The following PPP6C variants were observed in gnomAD, a reference collection of about 807,000 sequenced individuals.
PPP6C encodes serine/threonine-protein phosphatase 6 catalytic subunit.
Under a neutral mutation model 39.8 loss-of-function variants are expected in PPP6C, and 11 were observed. That is an observed-to-expected ratio of 0.28 (90% confidence interval 0.17 to 0.46). PPP6C has a LOEUF of 0.46. Ranked by LOEUF, PPP6C falls within the 20% of genes least tolerant of loss-of-function variation. PPP6C has a pLI of 1.00. For synonymous variants in PPP6C, 129 were observed against 130.3 expected (o/e 0.99, Z 0.07); for missense variants, 211 against 373.9 (o/e 0.56, Z 3.59).
At chr9:125,165,961 TA>T (rs993087682) in intron 2 of PPP6C, among the ~76,000 whole-genome samples, 1 of 151,838 alleles carries the variant, frequency 6.6e-6, no homozygotes, top group African/African-American at 2.4e-5. Context: ...CACACCTGGC[TA>T]ATTTTTGTAT....
intron 2 of PPP6C, among the ~76,000 whole-genome samples, chr9:125,167,124 T>C (rs1309213825): frequency 6.6e-6 from 1 of 151,958 alleles, no homozygotes; most frequent in African/African-American, 2.4e-5. Context: ...CTCACACCTG[T>C]AGTCCCAGCA....
chr9:125,155,720 G>A (rs911711000), intron 4 of PPP6C, among the ~76,000 whole-genome samples: 4 of 151,988 alleles, frequency 2.6e-5, no homozygotes, highest in East Asian at 1.9e-4. Flanking sequence ...TGGCTAACAC[G>A]GTGAAACCCT....
chr9:125,169,241 A>G (rs7020431), intron 2 of PPP6C, among the ~76,000 whole-genome samples: 2,136 of 152,332 alleles, frequency 0.014, 58 homozygotes, highest in African/African-American at 0.049. Context: ...TGTCTACAAA[A>G]TAATCCTATC....
intron 6 of PPP6C, among the ~76,000 whole-genome samples, chr9:125,153,050 A>G (rs1299455155): frequency 1.3e-5 from 2 of 151,926 alleles, no homozygotes; most frequent in Non-Finnish European, 2.9e-5. Context: ...AGGCGGGTGG[A>G]TCACCTGAGG....
chr9:125,161,892 ACAATAC>A (rs1205806868), intron 2 of PPP6C, among the ~76,000 whole-genome samples: 1 of 152,214 alleles, frequency 6.6e-6, no homozygotes, highest in Admixed American at 6.5e-5. Flanking sequence ...GGAATTGACT[ACAATAC>A]ATTGGACCAA....
chr9:125,189,269 G>A (rs1256291461), intron 1 of PPP6C, among the ~76,000 whole-genome samples: 2 of 152,220 alleles, frequency 1.3e-5, no homozygotes, highest in Non-Finnish European at 2.9e-5. Context: ...CGGTGGAGGC[G>A]ACCCCATCCC....
At chr9:125,170,545 A>C (rs1474305053) in intron 2 of PPP6C, among the ~76,000 whole-genome samples, 1 of 152,106 alleles carries the variant, frequency 6.6e-6, no homozygotes, top group East Asian at 1.9e-4. Flanking sequence ...CACTGCTTTG[A>C]AATTCTTACA....
Position 125,158,133 on chromosome 9 carries a change from G to C in PPP6C, c.379+108C>G, listed in dbSNP as rs928769794. ...TGTTTGGGAGGAGTGAAGGAGTGAG[G>C]ATGTGGGGAAAATAATATACATAAA... On this transcript the variant is annotated intron_variant, in intron 4 of 6. Coordinates refer to ENST00000373547, the MANE Select transcript of PPP6C (RefSeq NM_002721.5). 1.3e-5 allele frequency: 15 copies of C among 1,123,120 alleles called. No homozygotes were observed. The African/African-American group carries it at 2.3e-4, about 18-fold the overall frequency. 69.6% of individuals were successfully genotyped at this position (1,123,120 alleles called of 1,614,324 possible). A position where few individuals can be genotyped will look rare whatever the true frequency, so the allele number is the denominator to read the frequency against.
intron 1 of PPP6C, among the ~76,000 whole-genome samples, chr9:125,178,798 T>C (rs1420809404): frequency 6.6e-6 from 1 of 152,218 alleles, no homozygotes; most frequent in Non-Finnish European, 1.5e-5. Flanking sequence ...CAGCTTCTTC[T>C]AGACAGTTTC....
intron 2 of PPP6C, among the ~76,000 whole-genome samples, chr9:125,170,505 G>A (rs1328196293): frequency 2.0e-5 from 3 of 152,080 alleles, no homozygotes; most frequent in Non-Finnish European, 4.4e-5. Context: ...CCAAAGTGCT[G>A]GGACTACAGG....
intron 6 of PPP6C, chr9:125,151,140 T>C (rs1207320901): frequency 1.4e-6 from 2 of 1,402,300 alleles, no homozygotes; most frequent in African/African-American, 2.8e-5. Context: ...AGAACTGCAC[T>C]ATTGTTTCAT....
chr9:125,189,076 C>G, intron 1 of PPP6C: 1 of 667,898 alleles, frequency 1.5e-6, no homozygotes, highest in South Asian at 2.1e-5. Context: ...ACCGACGATC[C>G]TAAAAAGCAA....
At chr9:125,172,631 T>A (rs1564154661) in intron 1 of PPP6C, among the ~76,000 whole-genome samples, 1 of 152,076 alleles carries the variant, frequency 6.6e-6, no homozygotes, top group South Asian at 2.1e-4. Context: ...GAGGAATTCT[T>A]GTGATGATGG....
chr9:125,182,268 G>T (rs977768527), intron 1 of PPP6C, among the ~76,000 whole-genome samples: 1 of 152,054 alleles, frequency 6.6e-6, no homozygotes, highest in Non-Finnish European at 1.5e-5. Context: ...TTGTTTAGTT[G>T]ATCTTGTTAT....
intron 1 of PPP6C, among the ~76,000 whole-genome samples, chr9:125,189,265 A>C (rs940527970): frequency 5.9e-5 from 9 of 152,178 alleles, no homozygotes; most frequent in Non-Finnish European, 1.2e-4. Flanking sequence ...CCTCCGGTGG[A>C]GGCGACCCCA....
intron 6 of PPP6C, chr9:125,150,925 C>G (rs1835920784): frequency 1.9e-6 from 2 of 1,056,430 alleles, no homozygotes; most frequent in Non-Finnish European, 3.0e-6. Context: ...CCATGCTTCC[C>G]TTATGCCCAG....
At chr9:125,157,114 C>T (rs1031955055) in intron 4 of PPP6C, among the ~76,000 whole-genome samples, 1 of 149,670 alleles carries the variant, frequency 6.7e-6, no homozygotes, top group African/African-American at 2.5e-5. Flanking sequence ...TGTCTCCTAA[C>T]GCTATCCCTC....
At chr9:125,159,394 A>T in intron 3 of PPP6C, among the ~76,000 whole-genome samples, 1 of 143,204 alleles carries the variant, frequency 7.0e-6, no homozygotes. Context: ...TTTTTTAGAG[A>T]TGGGGTCTCA....
intron 2 of PPP6C, among the ~76,000 whole-genome samples, chr9:125,168,594 GA>G (rs1829076059): frequency 6.6e-6 from 1 of 151,988 alleles, no homozygotes; most frequent in East Asian, 1.9e-4. Flanking sequence ...AAGGAGCTGG[GA>G]TTACAGGCGC....
Sources: gnomAD v4.1 joint callset for allele counts (sites outside exome capture counted in the v4.1 genomes callset) on GRCh38, gnomAD v4.1.1 for gene constraint, MANE v1.5 for transcripts, NCBI Gene and HGNC (gene_info 2026-07-23, HGNC 2026-07-21) for gene names.